MEF2C: variants seen among roughly 807,000 people sequenced by gnomAD.
The protein encoded by MEF2C is myocyte enhancer factor 2C.
A neutral mutation model predicts 50.5 loss-of-function variants in MEF2C; 6 were observed. The observed-to-expected ratio is 0.12, with a 90% CI of 0.07 to 0.23. The LOEUF (loss-of-function observed/expected upper bound fraction) is 0.23. Ranked by LOEUF, MEF2C falls within the 10% of genes least tolerant of loss-of-function variation. The pLI is 1.00. For missense variants in MEF2C, 276 were observed against 605.0 expected (o/e 0.46, Z 5.70); for synonymous variants, 183 against 228.0 (o/e 0.80, Z 1.78).
chr5:88,739,530 T>C (rs759801925), intron 6 of MEF2C: 51 of 981,696 alleles, frequency 5.2e-5, no homozygotes, highest in Admixed American at 6.2e-5. Context: ...CATCTTTTTA[T>C]AGAAAATTAC....
intron 2 of MEF2C, among the ~76,000 whole-genome samples, chr5:88,811,392 A>G (rs1404250054): frequency 6.6e-6 from 1 of 152,174 alleles, no homozygotes; most frequent in Non-Finnish European, 1.5e-5. Context: ...AGCAGGAAGC[A>G]GCTCATTTCT....
chr5:88,899,134 A>G (rs1161488061), intron 1 of MEF2C, among the ~76,000 whole-genome samples: 1 of 152,178 alleles, frequency 6.6e-6, no homozygotes, highest in East Asian at 1.9e-4. Context: ...GTGTCATAAC[A>G]TAATTTTGAG....
chr5:88,887,880 A>G (rs1237028459), upstream of MEF2C, among the ~76,000 whole-genome samples: 1 of 152,250 alleles, frequency 6.6e-6, no homozygotes. Flanking sequence ...AGAATTTGCA[A>G]TATACAAAGG....
At chr5:88,755,147 ACTT>A (rs977735564) in intron 4 of MEF2C, among the ~76,000 whole-genome samples, 12 of 152,156 alleles carry the variant, frequency 7.9e-5, no homozygotes, top group East Asian at 3.8e-4. Context: ...AGCCTACTCT[ACTT>A]CTTATTATAC....
At chr5:88,816,190 C>T (rs1805259642) in intron 2 of MEF2C, among the ~76,000 whole-genome samples, 1 of 152,014 alleles carries the variant, frequency 6.6e-6, no homozygotes, top group African/African-American at 2.4e-5. Context: ...TGGCCTCTCT[C>T]AGATTTCCTA....
intron 7 of MEF2C, 53 bp downstream of exon 7, chr5:88,731,676 A>T: frequency 1.3e-6 from 2 of 1,519,956 alleles, no homozygotes; most frequent in Non-Finnish European, 1.8e-6. Flanking sequence ...TAAAAACAGC[A>T]AAACATATAC....
intron 1 of MEF2C, among the ~76,000 whole-genome samples, chr5:88,849,108 G>A (rs1441591741): frequency 2.2e-5 from 3 of 139,502 alleles, no homozygotes; most frequent in Non-Finnish European, 3.0e-5. Context: ...CCGAGATCGC[G>A]CCAGTGCACT....
In MEF2C at chr5:88,811,985, T is replaced by G. The variant is rs113044758; in HGVS notation, c.55-7184A>C. 1.2e-3 allele frequency among the ~76,000 whole-genome samples: 176 copies of G among 152,256 alleles called. 4 individuals are homozygous for G. The East Asian group carries it at 0.019, about 16-fold the overall frequency. ...AAAGTGGAGATAATAACAGGCATCA[T>G]ATAGAGTTTTGTGAGAGGTCAAGTA... On this transcript the variant is annotated intron_variant, in intron 2 of 10. Transcript: ENST00000504921.
At chr5:88,863,527 A>G (rs973891838) in intron 1 of MEF2C, among the ~76,000 whole-genome samples, 2 of 152,146 alleles carry the variant, frequency 1.3e-5, no homozygotes, top group Non-Finnish European at 2.9e-5. Context: ...GAAATATACA[A>G]TACATTATTA....
Position 88,823,851 on chromosome 5 carries a change from C to A in MEF2C, c.-63G>T. ...ATGTATTTTTTCCTTCCTTTTCTTT[C>A]TCTTTCCTGTTTCCTCCAAACAAAT... On this transcript the variant is annotated 5_prime_UTR_variant, in exon 2 of 11. Coordinates refer to ENST00000504921, the MANE Select transcript of MEF2C (RefSeq NM_002397.5). The A allele has an allele frequency of 6.2e-7, 1 of 1,600,492 alleles. No individual in the cohort carries two copies. Among genetic ancestry groups the A allele is most frequent in the Non-Finnish European group, 8.5e-7 (1 of 1,173,218 alleles).
chr5:88,835,091 A>G lies in MEF2C; in HGVS notation c.-142-11161T>C, dbSNP rs562469577. Among the ~76,000 whole-genome samples, 22 of 152,352 alleles carry G rather than the reference A, an allele frequency of 1.4e-4. No individual in the cohort carries two copies. The South Asian group carries it at 2.5e-3, about 17-fold the overall frequency. On this transcript the variant is annotated intron_variant, in intron 1 of 10. Transcript: ENST00000504921. ...GAAATGTGAGTATTTCATGATGGCA[A>G]TGGCCACTGGTTGAAACACCTCTTT...
At chr5:88,790,643 T>G (rs900880569) in intron 3 of MEF2C, among the ~76,000 whole-genome samples, 3 of 152,158 alleles carry the variant, frequency 2.0e-5, no homozygotes, top group East Asian at 1.9e-4. Flanking sequence ...TTATTTTTGA[T>G]GCAAAACAAC....
intron 1 of MEF2C, among the ~76,000 whole-genome samples, chr5:88,898,196 T>C (rs187311761): frequency 1.3e-5 from 2 of 152,306 alleles, no homozygotes; most frequent in East Asian, 3.9e-4. Flanking sequence ...TGAATCTTGA[T>C]TCAAAATTGT....
At chr5:88,758,274 C>T (rs925279331) in intron 4 of MEF2C, among the ~76,000 whole-genome samples, 3 of 152,140 alleles carry the variant, frequency 2.0e-5, no homozygotes, top group African/African-American at 7.2e-5. Flanking sequence ...CTTTTACTCT[C>T]AACCAACTTG....
At chr5:88,799,210 C>A (rs1797256170) in intron 3 of MEF2C, among the ~76,000 whole-genome samples, 1 of 152,200 alleles carries the variant, frequency 6.6e-6, no homozygotes, top group East Asian at 1.9e-4. Context: ...AGCCAGCAGG[C>A]CAGAACATTT....
At chr5:88,815,202 A>G (rs1269007977) in intron 2 of MEF2C, among the ~76,000 whole-genome samples, 1 of 152,132 alleles carries the variant, frequency 6.6e-6, no homozygotes, top group African/African-American at 2.4e-5. Context: ...TACCTAAGGG[A>G]AAGGTCAAAG....
chr5:88,862,453 G>A (rs998514075), intron 1 of MEF2C, among the ~76,000 whole-genome samples: 1 of 151,834 alleles, frequency 6.6e-6, no homozygotes, highest in Non-Finnish European at 1.5e-5. Flanking sequence ...TAGAGTACCC[G>A]AAGTTCTTTT....
At chr5:88,779,759 G>GGTT (rs1786848020) in intron 3 of MEF2C, among the ~76,000 whole-genome samples, 1 of 51,608 alleles carries the variant, frequency 1.9e-5, no homozygotes, top group Non-Finnish European at 3.8e-5. Flanking sequence ...AGCAAAGTGA[G>GGTT]GTTTTTTTTT....
At chr5:88,830,210 G>A (rs1812497063) in intron 1 of MEF2C, among the ~76,000 whole-genome samples, 1 of 151,956 alleles carries the variant, frequency 6.6e-6, no homozygotes, top group African/African-American at 2.4e-5. Context: ...GAAATAACTA[G>A]GGAAATACAT....
Sources: allele counts gnomAD v4.1 joint callset (sites outside exome capture counted in the v4.1 genomes callset), GRCh38; gene constraint gnomAD v4.1.1; transcripts MANE v1.5; gene names NCBI Gene and HGNC (gene_info 2026-07-23, HGNC 2026-07-21).